Variants in UGT1A6 observed in about 807,000 individuals in gnomAD.
The protein encoded by UGT1A6 is UDP glucuronosyltransferase family 1 member A6, also known as UDP-glucuronosyltransferase 1A6.
Under a neutral mutation model 44.4 loss-of-function variants are expected in UGT1A6, and 32 were observed. That is an observed-to-expected ratio of 0.72 (90% CI 0.54 to 0.97). The LOEUF (loss-of-function observed/expected upper bound fraction) is 0.97, where lower values mean the gene tolerates loss of function less well. Ranked by LOEUF, UGT1A6 falls within the 50% of genes least tolerant of loss-of-function variation. The pLI, the probability that UGT1A6 is intolerant of heterozygous loss-of-function variation, is 0.00. For synonymous variants in UGT1A6, 238 were observed against 248.5 expected (o/e 0.96, Z 0.40); for missense variants, 685 against 661.9 (o/e 1.03, Z -0.38).
intron 1 of UGT1A6, among the ~76,000 whole-genome samples, chr2:233,711,740 G>A (rs866118094): frequency 2.6e-5 from 4 of 152,188 alleles, no homozygotes; most frequent in Non-Finnish European, 5.9e-5. Flanking sequence ...TGGCAGACAC[G>A]GCCAGGCATG....
At chr2:233,728,353 G>T (rs563939650) in intron 1 of UGT1A6, among the ~76,000 whole-genome samples, 5 of 152,310 alleles carry the variant, frequency 3.3e-5, no homozygotes, top group Admixed American at 3.3e-4. Context: ...GTGAGCAGGA[G>T]CTCCCTGAAC....
chr2:233,713,579 A>G (rs536394959), intron 1 of UGT1A6: 12 of 1,613,952 alleles, frequency 7.4e-6, no homozygotes, highest in African/African-American at 5.3e-5. Flanking sequence ...ATATTCCTAG[A>G]TTACTAACGA....
Position 233,772,900 on chromosome 2 carries a change from C to A in UGT1A6, c.*341C>A. Reference sequence around the variant, plus strand: ...GCGGGATTCAAAGGTGGTCCCACGGCTGCCCCTACTGCAAATGGCAGTTTT... The same window carrying A: ...GCGGGATTCAAAGGTGGTCCCACGGATGCCCCTACTGCAAATGGCAGTTTT... On this transcript the variant is annotated 3_prime_UTR_variant, in exon 5 of 5. Coordinates refer to ENST00000305139, the MANE Select transcript of UGT1A6 (RefSeq NM_001072.4). 2.4e-6 allele frequency: 1 copy of A among 417,126 alleles called. No homozygotes were observed. The highest frequency in any genetic ancestry group is 4.1e-6 in the Non-Finnish European group (1 of 243,572). The allele number at this position is 417,126 out of a possible 1,614,324, so 25.8% of individuals were successfully genotyped here.
intron 1 of UGT1A6, among the ~76,000 whole-genome samples, chr2:233,700,929 G>T (rs577759047): frequency 6.6e-6 from 1 of 151,662 alleles, no homozygotes; most frequent in Non-Finnish European, 1.5e-5. Flanking sequence ...GTGTCTGTGT[G>T]TGATTGTTCA....
intron 1 of UGT1A6, chr2:233,713,366 T>C (rs2076312897): frequency 1.2e-6 from 2 of 1,614,198 alleles, no homozygotes; most frequent in Non-Finnish European, 1.7e-6. Flanking sequence ...TGATCATACA[T>C]AGGTCTTGTG....
chr2:233,734,462 A>G (rs990660022), intron 1 of UGT1A6, among the ~76,000 whole-genome samples: 2 of 145,254 alleles, frequency 1.4e-5, no homozygotes, highest in African/African-American at 5.4e-5. Context: ...TTCAAAATCC[A>G]TCTCCTGGAT....
Position 233,747,571 on chromosome 2 carries a change from C to A in UGT1A6, c.862-19463C>A, listed in dbSNP as rs1265322590. The A allele has an allele frequency of 7.6e-6, 12 of 1,588,364 alleles. No individual in the cohort carries two copies. In the African/African-American group the frequency reaches 1.4e-4, roughly 18 times the overall value. ...AAAAGTATGGCAATTTTGAAAAATT[C>A]ATCTTTGGTCTTTCATAGGTCTTGT... On this transcript the variant is annotated intron_variant, in intron 1 of 4. Coordinates refer to ENST00000305139, the MANE Select transcript of UGT1A6 (RefSeq NM_001072.4).
chr2:233,731,513 C>A (rs972587345), intron 1 of UGT1A6, among the ~76,000 whole-genome samples: 1 of 152,148 alleles, frequency 6.6e-6, no homozygotes, highest in Non-Finnish European at 1.5e-5. Flanking sequence ...CAGTTCCCAC[C>A]TATGAGTGAG....
At chr2:233,703,207 A>T (rs552243315) in intron 1 of UGT1A6, among the ~76,000 whole-genome samples, 19 of 152,246 alleles carry the variant, frequency 1.2e-4, no homozygotes, top group East Asian at 1.9e-4. Context: ...TGTCAATTTT[A>T]TCTAAGTTAT....
intron 1 of UGT1A6, chr2:233,761,124 C>T: frequency 1.9e-6 from 3 of 1,614,202 alleles, no homozygotes; most frequent in Non-Finnish European, 2.5e-6. Context: ...GTGGAATCAA[C>T]TGCCTTCACC....
chr2:233,739,834 G>T (rs1286639353), intron 1 of UGT1A6, among the ~76,000 whole-genome samples: 1 of 152,016 alleles, frequency 6.6e-6, no homozygotes, highest in Non-Finnish European at 1.5e-5. Context: ...GAAAAGACAT[G>T]AGATTTGGGA....
At chr2:233,720,365 G>A (rs920594093) in intron 1 of UGT1A6, among the ~76,000 whole-genome samples, 1 of 152,064 alleles carries the variant, frequency 6.6e-6, no homozygotes, top group Admixed American at 6.5e-5. Flanking sequence ...ATGTCAAAAG[G>A]GTCTTCTACT....
At chr2:233,706,570 A>G (rs1030888429) in intron 1 of UGT1A6, among the ~76,000 whole-genome samples, 1 of 152,166 alleles carries the variant, frequency 6.6e-6, no homozygotes, top group African/African-American at 2.4e-5. Context: ...ACCTTAGGGT[A>G]AGAGTGGAGA....
intron 1 of UGT1A6, chr2:233,740,934 T>G (rs1244691991): frequency 6.6e-6 from 1 of 151,802 alleles, no homozygotes; most frequent in East Asian, 1.9e-4. Flanking sequence ...AAAGTTTTTT[T>G]TTTAATTAGC....
At chr2:233,758,675 G>A (rs1391896558) in intron 1 of UGT1A6, among the ~76,000 whole-genome samples, 10 of 152,156 alleles carry the variant, frequency 6.6e-5, no homozygotes, top group Admixed American at 6.5e-4. Flanking sequence ...CTGTTAATAT[G>A]TCCCATAGGA....
rs377755645 is a variant in UGT1A6, at chr2:233,743,742, C to T, written c.862-23292C>T. The T allele has an allele frequency of 2.5e-5, 34 of 1,367,276 alleles. No homozygotes were observed. In the South Asian group the frequency reaches 3.5e-4, roughly 14 times the overall value. The allele number at this position is 1,367,276 out of a possible 1,614,324, so 84.7% of individuals were successfully genotyped here. On this transcript the variant is annotated intron_variant, in intron 1 of 4. Coordinates refer to ENST00000305139, the MANE Select transcript of UGT1A6 (RefSeq NM_001072.4). ...CGGTCATAGATATCGCGTTTCTTGG[C>T]GTCCGACAACACCTCGTAGGCCTCG...
Position 233,754,866 on chromosome 2 carries a change from C to G in UGT1A6, c.862-12168C>G, listed in dbSNP as rs1321579990. 5 of 1,351,528 alleles carry G rather than the reference C, an allele frequency of 3.7e-6. No homozygotes were observed. In the South Asian group the frequency reaches 5.7e-5, roughly 15 times the overall value. 83.7% of individuals were successfully genotyped at this position (1,351,528 alleles called of 1,614,324 possible). On this transcript the variant is annotated intron_variant, in intron 1 of 4. Transcript: ENST00000305139. ...GGCAGAGAAAAGGGGTGCAGACCCT[C>G]TGCTTCTGCTTCCCAGGGAGTTCCT...
chr2:233,704,550 A>C (rs6722836), intron 1 of UGT1A6, among the ~76,000 whole-genome samples: 2,672 of 152,284 alleles, frequency 0.018, 40 homozygotes, highest in South Asian at 0.042. Context: ...TGATAATATT[A>C]CTTTATATAA....
At position 233,737,754 on chromosome 2, in the gene UGT1A6, T is replaced by G. The variant is rs1342701991; in HGVS notation, c.862-29280T>G. Reference sequence around the variant, plus strand: ...TTCCTTTTCTCTTCCAGTTTTTCAATGTGAACATATTCTCTAGAGTTAACT... The same window carrying G: ...TTCCTTTTCTCTTCCAGTTTTTCAAGGTGAACATATTCTCTAGAGTTAACT... On this transcript the variant is annotated intron_variant, in intron 1 of 4. Transcript: ENST00000305139. Among the ~76,000 whole-genome samples the G allele has an allele frequency of 3.3e-5, 5 of 152,300 alleles. No homozygotes were observed. The East Asian group carries it at 9.6e-4, about 29-fold the overall frequency.
Sources: gnomAD v4.1 joint callset for allele counts (sites outside exome capture counted in the v4.1 genomes callset) on GRCh38, gnomAD v4.1.1 for gene constraint, MANE v1.5 for transcripts, NCBI Gene and HGNC (gene_info 2026-07-23, HGNC 2026-07-21) for gene names.